Variants in R3HDM1 observed in about 807,000 individuals in gnomAD.
The protein encoded by R3HDM1 is R3H domain containing 1.
A neutral mutation model predicts 141.1 loss-of-function variants in R3HDM1; 46 were observed. That is an observed-to-expected ratio of 0.33 (90% CI 0.26 to 0.42). R3HDM1 has a LOEUF of 0.42. Ranked by LOEUF, R3HDM1 falls within the 10% of genes least tolerant of loss-of-function variation. The probability of loss-of-function intolerance (pLI) is 1.00; values close to 1 mark genes in which losing one functional copy is unlikely to be tolerated. For synonymous variants in R3HDM1, 435 were observed against 472.9 expected, an observed-to-expected ratio of 0.92 and a Z score of 1.04; for missense variants, 1,184 against 1,368.3, an observed-to-expected ratio of 0.87 and a Z score of 2.12.
At chr2:135,566,774 G>C (rs1241332796) in intron 1 of R3HDM1, 2 of 985,064 alleles carry the variant, frequency 2.0e-6, no homozygotes, top group African/African-American at 1.7e-5. Context: ...CAGCGCGGTG[G>C]CTCACGCCTG....
At position 135,713,916 on chromosome 2, in the gene R3HDM1, A is replaced by T. The variant is rs190382775; in HGVS notation, c.2737-1634A>T. 9.8e-5 allele frequency among the ~76,000 whole-genome samples: 15 copies of T among 152,348 alleles called. No individual in the cohort carries two copies. The East Asian group carries it at 2.9e-3, about 29-fold the overall frequency. Reference sequence around the variant, plus strand: ...CCATAGAATAAAATAAGAATTCATGAGTCCATACTGATAAAAATCAATAAA... The same window carrying T: ...CCATAGAATAAAATAAGAATTCATGTGTCCATACTGATAAAAATCAATAAA... On this transcript the variant is annotated intron_variant, in intron 23 of 26. Transcript: ENST00000683871.
intron 18 of R3HDM1, 37 bp from the exon 19 acceptor site, chr2:135,661,233 T>G: frequency 6.2e-7 from 1 of 1,611,198 alleles, no homozygotes; most frequent in Non-Finnish European, 8.5e-7. Flanking sequence ...GTAATGCAAG[T>G]AAAATTGATT....
At position 135,639,074 on chromosome 2, in the gene R3HDM1, G is replaced by C; in HGVS notation, c.1171G>C (p.Gly391Arg). Residue 391 changes from glycine to arginine, a missense_variant, in exon 14 of 27, where the codon GGT becomes CGT. Gly to Arg is a moderately radical substitution (Grantham distance 125, BLOSUM62 -2). Coordinates refer to ENST00000683871, the MANE Select transcript of R3HDM1 (RefSeq NM_001378107.1). ...CAGTGGAATCTCAGTCCTGACAAGA[G>C]GTGATAGTTCTGGAAGCAGCAAAAG... ...SFSGISVLTR[G>R]DSSGSSKSIG... The C allele has an allele frequency of 6.2e-7, 1 of 1,614,146 alleles. No homozygotes were observed. Among genetic ancestry groups the C allele is most frequent in the Non-Finnish European group, 8.5e-7 (1 of 1,180,018 alleles).
chr2:135,591,404 A>C (rs1359235585), intron 1 of R3HDM1, among the ~76,000 whole-genome samples: 1 of 152,178 alleles, frequency 6.6e-6, no homozygotes, highest in African/African-American at 2.4e-5. Flanking sequence ...TACCACATCA[A>C]AGTCTAGCTA....
intron 19 of R3HDM1, among the ~76,000 whole-genome samples, chr2:135,672,479 T>G (rs889557647): frequency 6.6e-6 from 1 of 152,212 alleles, no homozygotes; most frequent in Non-Finnish European, 1.5e-5. Flanking sequence ...TGTCACTACC[T>G]TTATAAATAT....
intron 7 of R3HDM1, among the ~76,000 whole-genome samples, chr2:135,630,938 A>G (rs1441906698): frequency 2.0e-5 from 3 of 152,168 alleles, no homozygotes; most frequent in Non-Finnish European, 4.4e-5. Context: ...AGAGAACTAA[A>G]TAAGACCCTA....
intron 3 of R3HDM1, among the ~76,000 whole-genome samples, chr2:135,610,723 A>G (rs1293122288): frequency 6.6e-6 from 1 of 152,238 alleles, no homozygotes; most frequent in Non-Finnish European, 1.5e-5. Flanking sequence ...CTGTTAAGAA[A>G]TGAAGTATTT....
intron 19 of R3HDM1, among the ~76,000 whole-genome samples, chr2:135,673,340 G>A (rs1315838473): frequency 6.6e-6 from 1 of 152,118 alleles, no homozygotes; most frequent in Non-Finnish European, 1.5e-5. Context: ...TGCAATAGAC[G>A]TGTATGTGTT....
At chr2:135,565,399 C>T (rs1702564251) in intron 1 of R3HDM1, among the ~76,000 whole-genome samples, 1 of 148,858 alleles carries the variant, frequency 6.7e-6, no homozygotes, top group Non-Finnish European at 1.5e-5. Flanking sequence ...ATTATGTTGC[C>T]TGGACTGGAC....
chr2:135,720,237 T>C (rs776100557), intron 24 of R3HDM1, among the ~76,000 whole-genome samples: 1 of 152,120 alleles, frequency 6.6e-6, no homozygotes, highest in Non-Finnish European at 1.5e-5. Context: ...CATCTATAGG[T>C]TGGGAAAGAG....
At chr2:135,621,807 A>AC (rs11374830) in intron 6 of R3HDM1, 199 bp downstream of exon 6, 105,537 of 982,344 alleles carry the variant, frequency 0.11, 14,930 homozygotes, top group African/African-American at 0.61. Context: ...TCAGCCAAAA[A>AC]TGCAACACAT....
chr2:135,620,758 G>A (rs1484246120), intron 5 of R3HDM1: 1 of 646,604 alleles, frequency 1.5e-6, no homozygotes, highest in Non-Finnish European at 1.9e-6. Context: ...CCTTTTCTGT[G>A]TGGATTAATT....
intron 5 of R3HDM1, chr2:135,619,911 T>A (rs1225924550): frequency 5.9e-6 from 1 of 168,124 alleles, no homozygotes; most frequent in Non-Finnish European, 1.2e-5. Context: ...TGCAGTTTCC[T>A]ATGGAGAGGT....
intron 7 of R3HDM1, 145 bp downstream of exon 7, chr2:135,622,877 A>T: frequency 7.4e-7 from 1 of 1,355,538 alleles, no homozygotes; most frequent in East Asian, 2.7e-5. Context: ...TAGGGCAAAG[A>T]TGTTGTTGGT....
At chr2:135,638,875 G>T in intron 13 of R3HDM1, 21 bp from the exon 14 acceptor site, 1 of 1,612,390 alleles carries the variant, frequency 6.2e-7, no homozygotes, top group Non-Finnish European at 8.5e-7. Flanking sequence ...AGCTTTTCAA[G>T]GTTTTATTTC....
intron 11 of R3HDM1, among the ~76,000 whole-genome samples, chr2:135,636,818 A>G (rs530510241): frequency 2.0e-5 from 3 of 152,200 alleles, no homozygotes; most frequent in Non-Finnish European, 4.4e-5. Context: ...AAGATTAAAT[A>G]ACACTAAAAT....
intron 1 of R3HDM1, among the ~76,000 whole-genome samples, chr2:135,592,811 A>G (rs1262951831): frequency 6.6e-6 from 1 of 151,674 alleles, no homozygotes; most frequent in Non-Finnish European, 1.5e-5. Flanking sequence ...ACTGGAATGC[A>G]GTGGCGCTAT....
At chr2:135,545,408 T>C (rs1271208131) in intron 1 of R3HDM1, among the ~76,000 whole-genome samples, 1 of 152,264 alleles carries the variant, frequency 6.6e-6, no homozygotes, top group East Asian at 1.9e-4. Context: ...GAATGGAGCG[T>C]AGGGCCTGTT....
At chr2:135,577,763 G>A (rs1378893682) in intron 1 of R3HDM1, among the ~76,000 whole-genome samples, 2 of 150,930 alleles carry the variant, frequency 1.3e-5, no homozygotes, top group African/African-American at 2.4e-5. Context: ...GCTTGAACTC[G>A]GGAGGCAGAG....
Sources: gnomAD v4.1 joint callset for allele counts (sites outside exome capture counted in the v4.1 genomes callset) on GRCh38, gnomAD v4.1.1 for gene constraint, MANE v1.5 for transcripts, NCBI Gene and HGNC (gene_info 2026-07-23, HGNC 2026-07-21) for gene names.